Variants in GNA15 observed in about 807,000 individuals in gnomAD.
The protein encoded by GNA15 is guanine nucleotide-binding protein subunit alpha-15.
A neutral mutation model predicts 40.1 loss-of-function variants in GNA15; 23 were observed. The observed-to-expected ratio is 0.57, with a 90% CI of 0.41 to 0.81. The LOEUF is 0.81. Ranked by LOEUF, GNA15 falls within the 40% of genes least tolerant of loss-of-function variation. The pLI is 0.00. For synonymous variants in GNA15, 226 were observed against 210.4 expected (o/e 1.07, Z -0.64); for missense variants, 522 against 515.8 (o/e 1.01, Z -0.12).
chr19:3,156,202 A>ACACACT (rs57479390), intron 5 of GNA15, among the ~76,000 whole-genome samples: 4,125 of 143,290 alleles, frequency 0.029, 85 homozygotes, highest in Non-Finnish European at 0.042. Flanking sequence ...ACACACACAC[A>ACACACT]CTACAGTGCA....
Position 3,148,668 on chromosome 19 carries a change from C to T in GNA15, c.223C>T (p.Arg75Cys), listed in dbSNP as rs758911514. Residue 75 changes from arginine (R) to cysteine (C), a missense_variant, in exon 2 of 7, where the codon CGC becomes TGC. Arg to Cys is a radical substitution (Grantham distance 180). Transcript: ENST00000262958. ...IHGAGYSEEERKGFRPLVYQN... is the reference protein window; with the variant it reads ...IHGAGYSEEECKGFRPLVYQN... ...CGGCGCCGGCTACTCGGAGGAGGAG[C>T]GCAAGGGCTTCCGGCCCCTGGTCTA... is the stretch of plus-strand genomic sequence containing the variant. 5.0e-6 allele frequency: 8 copies of T among 1,592,792 alleles called. No homozygotes were observed. The Admixed American group carries it at 1.1e-4, about 21-fold the overall frequency.
intron 2 of GNA15, chr19:3,149,445 A>T (rs1301004063): frequency 6.4e-6 from 1 of 156,914 alleles, no homozygotes; most frequent in Non-Finnish European, 1.4e-5. Flanking sequence ...TGCACACACA[A>T]GCACACCTAT....
Position 3,163,003 on chromosome 19 carries a change from A to G in GNA15, c.1109A>G (p.Glu370Gly). The G allele has an allele frequency of 6.2e-7, 1 of 1,613,256 alleles. No homozygotes were observed. The highest frequency in any genetic ancestry group is 8.5e-7 in the Non-Finnish European group (1 of 1,179,316). ...RDSVLARYLD[E>G]INLL ...TCGGTGCTCGCCCGCTACCTGGACG[A>G]GATCAACCTGCTGTGACCCAGGCCC... Residue 370 changes from glutamate to glycine, a missense_variant, in exon 7 of 7, where the codon GAG becomes GGG. Transcript: ENST00000262958.
intron 2 of GNA15, chr19:3,148,978 C>T: frequency 1.7e-6 from 1 of 581,672 alleles, no homozygotes; most frequent in Non-Finnish European, 3.1e-6. Flanking sequence ...CACAAGTATA[C>T]ACGCATAAAT....
rs542193134 is a variant in GNA15 at position 3,151,631 on chromosome 19, CT to C, written c.486-75del. Reference sequence around the variant, plus strand: ...CTCTCCTCCCCCAGCAGGGTCCTTGCTGGGCCTTTCGTAGGGCCTGGGAAGC... The same window carrying C: ...CTCTCCTCCCCCAGCAGGGTCCTTGCGGGCCTTTCGTAGGGCCTGGGAAGC... On this transcript the variant is annotated intron_variant, in intron 3 of 6. Transcript: ENST00000262958. This position sits in a 1 kb window ranked among gnomAD's most constrained non-coding sequence, Gnocchi z 5.0. The C allele has an allele frequency of 0.015, 21,549 of 1,471,644 alleles. 240 individuals are homozygous for C. Among genetic ancestry groups the C allele is most frequent in the South Asian group, 0.02 (1,409 of 69,632 alleles). The allele number at this position is 1,471,644 out of a possible 1,614,324, so 91.2% of individuals were successfully genotyped here. A position where few individuals can be genotyped will look rare whatever the true frequency, so the allele number is the denominator to read the frequency against.
chr19:3,139,884 A>C (rs1914536226), intron 1 of GNA15, among the ~76,000 whole-genome samples: 1 of 151,678 alleles, frequency 6.6e-6, no homozygotes, highest in Non-Finnish European at 1.5e-5. Flanking sequence ...AAATACAAAA[A>C]TTAGCCAGGC....
chr19:3,141,605 A>C (rs1250406278), intron 1 of GNA15: 1 of 152,294 alleles, frequency 6.6e-6, no homozygotes, highest in Non-Finnish European at 1.5e-5. Context: ...CATGTTAGCC[A>C]GGCTGGTCTC....
At position 3,136,069 on chromosome 19, in the gene GNA15, C is replaced by T. The variant is rs1033317981; in HGVS notation, c.-382C>T. On this transcript the variant is annotated 5_prime_UTR_variant, in exon 1 of 7. Transcript: ENST00000262958. The surrounding 1 kb of genome is among the most constrained non-coding windows in gnomAD (Gnocchi z 4.9). Reference sequence around the variant, plus strand: ...GAAGGGCCCTGCTGGTCACACAGGACCCAGTCTGCGGTGGGGGTTTTCCCG... The same window carrying T: ...GAAGGGCCCTGCTGGTCACACAGGATCCAGTCTGCGGTGGGGGTTTTCCCG... 11 of 181,424 alleles carry T rather than the reference C, an allele frequency of 6.1e-5. No individual in the cohort carries two copies. Among genetic ancestry groups the T allele is most frequent in the Non-Finnish European group, 4.6e-5 (4 of 86,352 alleles). The allele number at this position is 181,424 out of a possible 1,614,324, so 11.2% of individuals were successfully genotyped here.
chr19:3,145,360 T>TATATATATATATATATATATATATATA (rs1555705683), intron 1 of GNA15, among the ~76,000 whole-genome samples: 16 of 21,548 alleles, frequency 7.4e-4, no homozygotes, highest in Non-Finnish European at 1.1e-3. Context: ...TATATATATA[T>TATATATATATATATATATATATATATA]TTTTTTTTTT....
intron 6 of GNA15, among the ~76,000 whole-genome samples, chr19:3,159,717 CCTT>C (rs752099185): frequency 1.2e-4 from 19 of 152,210 alleles, no homozygotes; most frequent in Non-Finnish European, 2.1e-4. Flanking sequence ...AATACAATGA[CCTT>C]CTTTCATGCG....
At position 3,136,838 on chromosome 19, in the gene GNA15, TG is replaced by T. The variant is rs1344219740; in HGVS notation, c.145+247del. Among the ~76,000 whole-genome samples the T allele has an allele frequency of 1.3e-5, 2 of 152,234 alleles. No individual in the cohort carries two copies. The highest frequency in any genetic ancestry group is 2.9e-5 in the Non-Finnish European group (2 of 68,036). On this transcript the variant is annotated intron_variant, in intron 1 of 6. Coordinates refer to ENST00000262958, the MANE Select transcript of GNA15 (RefSeq NM_002068.4). The surrounding 1 kb of genome is among the most constrained non-coding windows in gnomAD (Gnocchi z 4.9). ...CAGGTGCCCAGGCCTGTCCACTGTG[TG>T]GGGCATATACAATAGCAGACGTGGC...
At position 3,151,931 on chromosome 19, in the gene GNA15, T is replaced by G. The variant is rs545479325; in HGVS notation, c.614+96T>G. The G allele has an allele frequency of 1.1e-6, 1 of 895,268 alleles. No homozygotes were observed. Among genetic ancestry groups the G allele is most frequent in the African/African-American group, 1.7e-5 (1 of 58,322 alleles). The allele number at this position is 895,268 out of a possible 1,614,324, so 55.5% of individuals were successfully genotyped here. On this transcript the variant is annotated intron_variant, in intron 4 of 6. Coordinates refer to ENST00000262958, the MANE Select transcript of GNA15 (RefSeq NM_002068.4). This position sits in a 1 kb window ranked among gnomAD's most constrained non-coding sequence, Gnocchi z 5.0. ...GCCCTGAGGGATGAGTAGGAGTTTC[T>G]TAGGCCCAGCCTTCAAGGAGCTGCC...
chr19:3,160,990 T>G (rs902136122), intron 6 of GNA15, among the ~76,000 whole-genome samples: 6 of 147,398 alleles, frequency 4.1e-5, no homozygotes, highest in Non-Finnish European at 7.4e-5. Context: ...TTGCCCAGGC[T>G]AGAGTCCAGT....
Position 3,146,746 on chromosome 19 carries a change from C to T in GNA15, c.146-1845C>T, listed in dbSNP as rs557162918. On this transcript the variant is annotated intron_variant, in intron 1 of 6. Coordinates refer to ENST00000262958, the MANE Select transcript of GNA15 (RefSeq NM_002068.4). ...GCTCCCCCAGACCACCCCCCACAGC[C>T]TGTCCTCCCTGCAGCAGCCACCAGA... 1.4e-3 allele frequency among the ~76,000 whole-genome samples: 216 copies of T among 152,234 alleles called. 1 individual carries two copies. The highest frequency in any genetic ancestry group is 4.9e-3 in the African/African-American group (205 of 41,538).
intron 1 of GNA15, chr19:3,142,209 G>C (rs1016691654): frequency 6.6e-6 from 1 of 152,194 alleles, no homozygotes; most frequent in Non-Finnish European, 1.5e-5. Context: ...ATGGCCTTTG[G>C]GGGTATCCTA....
intron 2 of GNA15, chr19:3,148,980 C>A: frequency 3.5e-6 from 2 of 576,194 alleles, no homozygotes; most frequent in Non-Finnish European, 6.2e-6. Flanking sequence ...CAAGTATACA[C>A]GCATAAATGC....
chr19:3,145,918 G>C (rs1005746030), intron 1 of GNA15, among the ~76,000 whole-genome samples: 3 of 151,896 alleles, frequency 2.0e-5, no homozygotes, highest in Admixed American at 2.0e-4. Flanking sequence ...CTGGAGAGTC[G>C]AGGCGGCCAC....
At chr19:3,140,854 A>G (rs1304456060) in intron 1 of GNA15, among the ~76,000 whole-genome samples, 1 of 152,188 alleles carries the variant, frequency 6.6e-6, no homozygotes, top group Non-Finnish European at 1.5e-5. Flanking sequence ...CACTCTGGGC[A>G]CTACTCAGCC....
At chr19:3,158,878 C>G (rs995434453) in intron 6 of GNA15, among the ~76,000 whole-genome samples, 1 of 152,180 alleles carries the variant, frequency 6.6e-6, no homozygotes, top group African/African-American at 2.4e-5. Context: ...AGTGATCCAC[C>G]TACCTCAGCC....
Sources: allele counts gnomAD v4.1 joint callset (sites outside exome capture counted in the v4.1 genomes callset), GRCh38; gene constraint gnomAD v4.1.1; non-coding constraint Gnocchi (gnomAD v3.1); transcripts MANE v1.5; gene names NCBI Gene and HGNC (gene_info 2026-07-23, HGNC 2026-07-21).